Variants in MMP26 observed in about 807,000 individuals in gnomAD.
MMP26 encodes matrix metallopeptidase 26.
MMP26 carries 33 observed loss-of-function variants against 31.0 expected under a neutral mutation model. The ratio of observed to expected loss-of-function variants is 1.06; its 90% CI spans 0.81 to 1.42. MMP26 has a LOEUF of 1.42. Ranked by LOEUF, MMP26 falls within the 40% of genes most tolerant of loss-of-function variation. MMP26 has a pLI of 0.00. For missense variants in MMP26, 347 were observed against 316.1 expected (o/e 1.10, Z -0.74); for synonymous variants, 122 against 114.9 (o/e 1.06, Z -0.40).
At chr11:4,823,496 C>T (rs138050955) in intron 2 of MMP26, among the ~76,000 whole-genome samples, 4 of 152,096 alleles carry the variant, frequency 2.6e-5, no homozygotes, top group Non-Finnish European at 5.9e-5. Flanking sequence ...GGCTATTGTG[C>T]CACTGCACAC....
chr11:4,740,681 CA>C (rs761691284), intron 1 of MMP26, among the ~76,000 whole-genome samples: 968 of 90,400 alleles, frequency 0.011, 6 homozygotes, highest in African/African-American at 0.021. Context: ...GAGACTCTGT[CA>C]AAAAAAAAAA....
At chr11:4,797,534 A>C (rs1253686583) in intron 2 of MMP26, among the ~76,000 whole-genome samples, 2 of 152,164 alleles carry the variant, frequency 1.3e-5, no homozygotes, top group Non-Finnish European at 2.9e-5. Context: ...AATCTGGTTT[A>C]AACATCCACT....
intron 2 of MMP26, among the ~76,000 whole-genome samples, chr11:4,924,777 A>G (rs1284777182): frequency 1.3e-5 from 2 of 152,188 alleles, no homozygotes; most frequent in Non-Finnish European, 2.9e-5. Flanking sequence ...AAAAATCTGA[A>G]ATCACCAGGA....
intron 2 of MMP26, among the ~76,000 whole-genome samples, chr11:4,985,058 T>G (rs1399908373): frequency 6.6e-6 from 1 of 152,126 alleles, no homozygotes; most frequent in Non-Finnish European, 1.5e-5. Context: ...TGAGCTTAGG[T>G]TTTTGAATGT....
At chr11:4,736,064 G>A (rs566778026) in intron 1 of MMP26, 1 of 152,234 alleles carries the variant, frequency 6.6e-6, no homozygotes, top group East Asian at 1.9e-4. Context: ...TAAAAAAAAT[G>A]TGAGGTCACT....
At chr11:4,731,340 C>A (rs1848170789) in intron 1 of MMP26, among the ~76,000 whole-genome samples, 2 of 152,198 alleles carry the variant, frequency 1.3e-5, no homozygotes, top group Admixed American at 6.5e-5. Context: ...TGTGGCCTCG[C>A]TGACACTGAA....
chr11:4,798,470 G>T (rs1342340069), intron 2 of MMP26, among the ~76,000 whole-genome samples: 1 of 152,216 alleles, frequency 6.6e-6, no homozygotes, highest in Non-Finnish European at 1.5e-5. Context: ...AAAATGCAAA[G>T]TATTGAAAGT....
At chr11:4,910,506 TTATC>T (rs974715148) in intron 2 of MMP26, among the ~76,000 whole-genome samples, 3 of 152,088 alleles carry the variant, frequency 2.0e-5, no homozygotes, top group Non-Finnish European at 2.9e-5. Context: ...CAACTTCTCT[TTATC>T]TATTTATTTC....
At chr11:4,712,116 T>G (rs1847869961) in intron 1 of MMP26, 2 of 152,200 alleles carry the variant, frequency 1.3e-5, no homozygotes, top group Admixed American at 1.3e-4. Flanking sequence ...AGCTACTTAA[T>G]GTATGCTTAT....
At chr11:4,710,240 C>T (rs1467770355) in intron 1 of MMP26, 2 of 456,726 alleles carry the variant, frequency 4.4e-6, no homozygotes, top group Non-Finnish European at 4.4e-6. Context: ...TTCTGATCGT[C>T]CGCTCTGTGC....
chr11:4,890,925 G>A (rs17251629), intron 2 of MMP26, among the ~76,000 whole-genome samples: 1,590 of 150,148 alleles, frequency 0.011, 14 homozygotes, highest in Admixed American at 0.031. Context: ...ATGACAAATT[G>A]TATAGAGTCA....
At chr11:4,882,340 G>T in intron 2 of MMP26, 1 of 1,613,844 alleles carries the variant, frequency 6.2e-7, no homozygotes, top group Non-Finnish European at 8.5e-7. Context: ...TGGTGATAGG[G>T]CTGGTCATCT....
At chr11:4,943,575 C>A in intron 2 of MMP26, 2 of 426,052 alleles carry the variant, frequency 4.7e-6, no homozygotes, top group South Asian at 1.7e-5. Flanking sequence ...TGGTTAGTAG[C>A]GTCTCCGGCC....
chr11:4,901,787 G>T (rs1300891017), intron 2 of MMP26, among the ~76,000 whole-genome samples: 1 of 152,072 alleles, frequency 6.6e-6, no homozygotes, highest in Non-Finnish European at 1.5e-5. Context: ...GTTTTGACAA[G>T]AATGCCAATA....
chr11:4,763,470 C>A (rs908010506), intron 1 of MMP26, among the ~76,000 whole-genome samples: 12 of 152,136 alleles, frequency 7.9e-5, no homozygotes, highest in African/African-American at 2.7e-4. Context: ...TAATTTCACT[C>A]ATCAAAACAG....
intron 2 of MMP26, among the ~76,000 whole-genome samples, chr11:4,816,359 T>C (rs185486735): frequency 6.6e-6 from 1 of 152,334 alleles, no homozygotes; most frequent in East Asian, 1.9e-4. Context: ...GGATGAAATG[T>C]CCGTCAGGTC....
intron 1 of MMP26, chr11:4,752,386 G>A (rs1848456929): frequency 6.6e-6 from 1 of 152,500 alleles, no homozygotes; most frequent in Admixed American, 6.5e-5. Context: ...CTTAATCGTA[G>A]TGCACTGTTG....
At chr11:4,990,818 C>CA (rs1846988712) in intron 5 of MMP26, 72 bp downstream of exon 5, 1 of 1,438,240 alleles carries the variant, frequency 7.0e-7, no homozygotes, top group Admixed American at 2.1e-5. Flanking sequence ...CATCCTTAAA[C>CA]AAAAACCTAG....
At chr11:4,814,010 C>T (rs1209470883) in intron 2 of MMP26, among the ~76,000 whole-genome samples, 1 of 152,056 alleles carries the variant, frequency 6.6e-6, no homozygotes, top group Non-Finnish European at 1.5e-5. Flanking sequence ...GACAAAGGGT[C>T]AATGCGCATA....
Sources: allele counts gnomAD v4.1 joint callset (sites outside exome capture counted in the v4.1 genomes callset), GRCh38; gene constraint gnomAD v4.1.1; transcripts MANE v1.5; gene names NCBI Gene and HGNC (gene_info 2026-07-23, HGNC 2026-07-21).